The following EXT1 variants were observed in gnomAD, a reference collection of about 807,000 sequenced individuals.
The protein encoded by EXT1 is exostosin-1.
A neutral mutation model predicts 82.5 loss-of-function variants in EXT1; 20 were observed. The observed-to-expected ratio is 0.24, with a 90% CI of 0.17 to 0.35. The LOEUF (loss-of-function observed/expected upper bound fraction) is 0.35, where lower values mean the gene tolerates loss of function less well. EXT1 is among the 10% of genes least tolerant of loss of function. EXT1 has a pLI of 1.00. For missense variants in EXT1, 757 were observed against 936.5 expected (o/e 0.81, Z 2.50); for synonymous variants, 348 against 350.8 (o/e 0.99, Z 0.09).
intron 1 of EXT1, among the ~76,000 whole-genome samples, chr8:118,089,911 A>T (rs893893977): frequency 6.6e-6 from 1 of 152,226 alleles, no homozygotes. Context: ...ACTGAAAAAA[A>T]GAGTAGCTAA....
At chr8:118,051,543 C>A (rs1454662322) in intron 1 of EXT1, among the ~76,000 whole-genome samples, 1 of 152,060 alleles carries the variant, frequency 6.6e-6, no homozygotes, top group Non-Finnish European at 1.5e-5. Context: ...AGGGAAAACA[C>A]AAAGTAAAGA....
chr8:117,868,655 GC>G (rs773884269), intron 1 of EXT1, among the ~76,000 whole-genome samples: 2 of 151,972 alleles, frequency 1.3e-5, no homozygotes, highest in Non-Finnish European at 2.9e-5. Context: ...CCACTATGTT[GC>G]CCAGGATGGT....
At chr8:118,097,188 G>T (rs527330673) in intron 1 of EXT1, among the ~76,000 whole-genome samples, 2 of 152,318 alleles carry the variant, frequency 1.3e-5, no homozygotes, top group African/African-American at 4.8e-5. Context: ...GCTCACGCCT[G>T]TAATCCCAGC....
intron 1 of EXT1, among the ~76,000 whole-genome samples, chr8:117,894,088 G>A (rs543080594): frequency 2.6e-5 from 4 of 152,266 alleles, no homozygotes; most frequent in African/African-American, 9.6e-5. Flanking sequence ...ACTTGTTCAA[G>A]TATGTTCAGA....
chr8:117,955,675 C>A (rs994839348), intron 1 of EXT1, among the ~76,000 whole-genome samples: 2 of 152,308 alleles, frequency 1.3e-5, no homozygotes, highest in East Asian at 3.9e-4. Flanking sequence ...CATGCCTCAA[C>A]CTCCCGAGTA....
intron 1 of EXT1, among the ~76,000 whole-genome samples, chr8:118,009,061 T>C (rs1026891642): frequency 2.6e-5 from 4 of 152,076 alleles, no homozygotes; most frequent in Admixed American, 2.0e-4. Flanking sequence ...TCCCAGAAAA[T>C]TGGGGGAAAC....
intron 1 of EXT1, among the ~76,000 whole-genome samples, chr8:117,996,951 T>C (rs149016348): frequency 6.6e-6 from 1 of 152,314 alleles, no homozygotes; most frequent in Non-Finnish European, 1.5e-5. Context: ...ACTACTTTAA[T>C]TCTGGAACAC....
intron 1 of EXT1, among the ~76,000 whole-genome samples, chr8:117,848,397 CCCT>C (rs1021221230): frequency 1.4e-4 from 21 of 152,128 alleles, no homozygotes; most frequent in African/African-American, 5.1e-4. Context: ...AATCACCTCT[CCCT>C]CCTCCTCCTC....
intron 4 of EXT1, among the ~76,000 whole-genome samples, chr8:117,828,521 A>G (rs1424438875): frequency 6.6e-6 from 1 of 152,092 alleles, no homozygotes; most frequent in Admixed American, 6.5e-5. Flanking sequence ...AAAAAAAAGA[A>G]AGGCACTCTG....
chr8:117,907,710 C>T (rs773666236), intron 1 of EXT1, among the ~76,000 whole-genome samples: 1 of 152,006 alleles, frequency 6.6e-6, no homozygotes, highest in Non-Finnish European at 1.5e-5. Context: ...ACTCTCATAC[C>T]ACATTGAACT....
chr8:117,845,104 T>C (rs1812331915), intron 1 of EXT1, among the ~76,000 whole-genome samples: 1 of 152,182 alleles, frequency 6.6e-6, no homozygotes. Context: ...GAGAGTCTCC[T>C]TTTCATGTCC....
intron 1 of EXT1, among the ~76,000 whole-genome samples, chr8:118,080,246 T>C (rs1044362476): frequency 2.6e-5 from 4 of 152,224 alleles, no homozygotes; most frequent in African/African-American, 9.6e-5. Context: ...TTGCCTTTTA[T>C]CATCAACAAG....
intron 1 of EXT1, among the ~76,000 whole-genome samples, chr8:117,870,495 G>C (rs1410395665): frequency 6.9e-6 from 1 of 144,852 alleles, no homozygotes; most frequent in Non-Finnish European, 1.5e-5. Flanking sequence ...GGAGCAAGGA[G>C]GGGTCTGATG....
intron 1 of EXT1, among the ~76,000 whole-genome samples, chr8:117,998,758 A>T (rs1815599472): frequency 6.6e-6 from 1 of 152,220 alleles, no homozygotes; most frequent in African/African-American, 2.4e-5. Context: ...ACCGAGGGCT[A>T]ACTTGTAAAA....
chr8:118,088,947 C>T (rs552705323), intron 1 of EXT1, among the ~76,000 whole-genome samples: 161 of 152,288 alleles, frequency 1.1e-3, no homozygotes, highest in African/African-American at 3.8e-3. Context: ...AGGGGTCACA[C>T]CCCACCTTCC....
intron 1 of EXT1, among the ~76,000 whole-genome samples, chr8:118,098,995 A>G (rs1817669688): frequency 6.6e-6 from 1 of 152,214 alleles, no homozygotes; most frequent in Non-Finnish European, 1.5e-5. Context: ...TCTTAAGACC[A>G]TCAGTATATT....
At chr8:118,103,823 G>A (rs1471339019) in intron 1 of EXT1, among the ~76,000 whole-genome samples, 1 of 152,188 alleles carries the variant, frequency 6.6e-6, no homozygotes, top group East Asian at 1.9e-4. Flanking sequence ...AAGAGTTGAA[G>A]GAGTTCAGTG....
chr8:118,075,226 GCA>G (rs979311966), intron 1 of EXT1, among the ~76,000 whole-genome samples: 1 of 152,234 alleles, frequency 6.6e-6, no homozygotes, highest in Non-Finnish European at 1.5e-5. Flanking sequence ...ACCAGGCTGT[GCA>G]CAGTGTTGGA....
chr8:117,970,795 G>T (rs909402768), intron 1 of EXT1, among the ~76,000 whole-genome samples: 3 of 152,200 alleles, frequency 2.0e-5, no homozygotes, highest in Admixed American at 1.3e-4. Flanking sequence ...CACACTAGAG[G>T]AGAGCACATG....
Sources: gnomAD v4.1 joint callset for allele counts (sites outside exome capture counted in the v4.1 genomes callset) on GRCh38, gnomAD v4.1.1 for gene constraint, MANE v1.5 for transcripts, NCBI Gene and HGNC (gene_info 2026-07-23, HGNC 2026-07-21) for gene names.